Variants in SERPINB5 observed in about 807,000 individuals in gnomAD.
SERPINB5 encodes serpin B5.
A neutral mutation model predicts 32.2 loss-of-function variants in SERPINB5; 27 were observed. The ratio of observed to expected loss-of-function variants is 0.84; its 90% CI spans 0.62 to 1.16. The LOEUF is 1.16. Ranked by LOEUF, SERPINB5 falls within the 50% of genes most tolerant of loss-of-function variation. The pLI is 0.00. For synonymous variants in SERPINB5, 154 were observed against 157.4 expected, an observed-to-expected ratio of 0.98 and a Z score of 0.16; for missense variants, 388 against 436.3, an observed-to-expected ratio of 0.89 and a Z score of 0.99.
intron 5 of SERPINB5, 82 bp from the exon 6 acceptor site, chr18:63,499,038 C>CGTGTGT (rs1205527958): frequency 4.6e-5 from 16 of 350,650 alleles, no homozygotes; most frequent in Admixed American, 2.2e-4. Context: ...TGTGTGTGCG[C>CGTGTGT]GCGTGTGTGT....
intron 5 of SERPINB5, among the ~76,000 whole-genome samples, chr18:63,494,718 T>G (rs1007861191): frequency 6.6e-6 from 1 of 152,346 alleles, no homozygotes; most frequent in South Asian, 2.1e-4. Context: ...TTTCTTTCTT[T>G]GTTCCCATGG....
chr18:63,489,568 T>C (rs1014474879), intron 4 of SERPINB5, 104 bp downstream of exon 4: 1 of 703,140 alleles, frequency 1.4e-6, no homozygotes, highest in Non-Finnish European at 2.4e-6. Flanking sequence ...GAGGATTCTC[T>C]GGATATTTTT....
At chr18:63,487,971 GATAC>G (rs1223012047) in intron 3 of SERPINB5, among the ~76,000 whole-genome samples, 3 of 151,552 alleles carry the variant, frequency 2.0e-5, no homozygotes, top group African/African-American at 7.3e-5. Context: ...GTTGCTTAAA[GATAC>G]ATACACACAA....
At chr18:63,482,623 A>T (rs1917143332) in intron 1 of SERPINB5, among the ~76,000 whole-genome samples, 1 of 152,128 alleles carries the variant, frequency 6.6e-6, no homozygotes, top group Non-Finnish European at 1.5e-5. Flanking sequence ...TCGATCAGTA[A>T]CTACCAGACT....
At chr18:63,488,776 C>T (rs1917254248) in intron 3 of SERPINB5, among the ~76,000 whole-genome samples, 1 of 152,152 alleles carries the variant, frequency 6.6e-6, no homozygotes, top group Non-Finnish European at 1.5e-5. Flanking sequence ...TTCTCTCCTG[C>T]ATTGTGTTTC....
chr18:63,493,208 C>G (rs1370771952), intron 5 of SERPINB5, 113 bp downstream of exon 5: 2 of 1,397,890 alleles, frequency 1.4e-6, no homozygotes, highest in Non-Finnish European at 2.0e-6. Context: ...GCACGGCCGG[C>G]AAAGTGCCTT....
In SERPINB5 at chr18:63,489,333, T is replaced by C; in HGVS notation, c.307-14T>C. On this transcript the variant is annotated splice_polypyrimidine_tract_variant and intron_variant, in intron 3 of 6. Coordinates refer to ENST00000382771, the MANE Select transcript of SERPINB5 (RefSeq NM_002639.5). ...GACTACAGACTCTGATTTTATGAAC[T>C]GCATGTTTTTCAGGAGTTCATCAGC... 1 of 1,429,216 alleles carries C rather than the reference T, an allele frequency of 7.0e-7. No homozygotes were observed. Among genetic ancestry groups the C allele is most frequent in the Non-Finnish European group, 9.8e-7 (1 of 1,020,226 alleles). 88.5% of individuals were successfully genotyped at this position (1,429,216 alleles called of 1,614,324 possible). A position where few individuals can be genotyped will look rare whatever the true frequency, so the allele number is the denominator to read the frequency against.
chr18:63,486,092 A>G (rs1296290496), intron 2 of SERPINB5: 1 of 152,252 alleles, frequency 6.6e-6, no homozygotes, highest in Non-Finnish European at 1.5e-5. Flanking sequence ...TATTATTACA[A>G]GAATAATTAA....
intron 2 of SERPINB5, among the ~76,000 whole-genome samples, chr18:63,485,304 G>A (rs541970418): frequency 4.7e-4 from 71 of 150,990 alleles, no homozygotes; most frequent in African/African-American, 1.5e-3. Flanking sequence ...TGATTGTTCC[G>A]TTTTAAGTCC....
At chr18:63,488,765 G>A (rs1211681302) in intron 3 of SERPINB5, among the ~76,000 whole-genome samples, 2 of 152,140 alleles carry the variant, frequency 1.3e-5, no homozygotes, top group African/African-American at 2.4e-5. Flanking sequence ...CTCCTGTTAT[G>A]TTCTCTCCTG....
chr18:63,489,727 T>C (rs913102616), intron 4 of SERPINB5, among the ~76,000 whole-genome samples: 26 of 152,212 alleles, frequency 1.7e-4, no homozygotes, highest in Non-Finnish European at 3.2e-4. Flanking sequence ...TCACAGGCCC[T>C]AGTGGAATCC....
At chr18:63,487,152 C>G (rs962471984) in intron 3 of SERPINB5, 69 bp downstream of exon 3, 9 of 1,485,926 alleles carry the variant, frequency 6.1e-6, no homozygotes, top group East Asian at 2.3e-5. Flanking sequence ...GCTGTTAGAC[C>G]TACAACTTTT....
At chr18:63,487,237 T>A (rs1209584387) in intron 3 of SERPINB5, among the ~76,000 whole-genome samples, 154 bp downstream of exon 3, 1 of 152,194 alleles carries the variant, frequency 6.6e-6, no homozygotes, top group Non-Finnish European at 1.5e-5. Context: ...GTGGAGAGGT[T>A]GAGTATAGTG....
At chr18:63,491,470 ATTCT>A (rs902051655) in intron 4 of SERPINB5, among the ~76,000 whole-genome samples, 9 of 137,970 alleles carry the variant, frequency 6.5e-5, no homozygotes, top group African/African-American at 2.8e-4. Context: ...TGTGAATGCC[ATTCT>A]TTCTTTCATT....
chr18:63,493,924 A>T (rs1446214115), intron 5 of SERPINB5, among the ~76,000 whole-genome samples: 50 of 152,154 alleles, frequency 3.3e-4, no homozygotes, highest in Admixed American at 1.0e-3. Context: ...CTGTGAAAAA[A>T]CAAAGTATGG....
intron 5 of SERPINB5, chr18:63,497,063 G>A (rs1042787842): frequency 1.4e-5 from 8 of 576,058 alleles, no homozygotes; most frequent in Middle Eastern, 5.4e-4. Context: ...TCCGGCCTGT[G>A]TCTGCCTCCT....
intron 1 of SERPINB5, among the ~76,000 whole-genome samples, chr18:63,480,451 T>A (rs1746606164): frequency 6.6e-6 from 1 of 151,312 alleles, no homozygotes; most frequent in African/African-American, 2.5e-5. Context: ...TGAAAAAAAA[T>A]TTGTAGCAAT....
rs747315072 is a variant in SERPINB5, at chr18:63,499,265, A to G, written c.713A>G (p.Asp238Gly). The change falls in exon 6 of 7, where the codon GAT becomes GGT. Residue 238 changes from aspartate to glycine, a missense_variant. Asp to Gly is a moderately conservative substitution (Grantham distance 94). Transcript: ENST00000382771. Reference sequence around the variant, plus strand: ...ATCCTACTACCCAAGGATGTGGAGGATGAGTCCACAGGCTTGGAGAAGGTA... The same window carrying G: ...ATCCTACTACCCAAGGATGTGGAGGGTGAGTCCACAGGCTTGGAGAAGGTA... ...MFILLPKDVEDESTGLEKIEK... is the reference protein window; with the variant it reads ...MFILLPKDVEGESTGLEKIEK... The G allele has an allele frequency of 6.3e-7, 1 of 1,591,344 alleles. No individual in the cohort carries two copies.
At chr18:63,482,570 A>T (rs1917142280) in intron 1 of SERPINB5, among the ~76,000 whole-genome samples, 3 of 152,200 alleles carry the variant, frequency 2.0e-5, no homozygotes, top group Admixed American at 2.0e-4. Flanking sequence ...GCTCCCAGAA[A>T]GGGAAGCCCT....
Sources: gnomAD v4.1 joint callset for allele counts (sites outside exome capture counted in the v4.1 genomes callset) on GRCh38, gnomAD v4.1.1 for gene constraint, MANE v1.5 for transcripts, NCBI Gene and HGNC (gene_info 2026-07-23, HGNC 2026-07-21) for gene names.